Variants in RFX4 observed in about 807,000 individuals in gnomAD.
The protein encoded by RFX4 is regulatory factor X4, also known as transcription factor RFX4.
RFX4 carries 10 observed loss-of-function variants against 95.0 expected under a neutral mutation model. The ratio of observed to expected loss-of-function variants is 0.11; its 90% CI spans 0.06 to 0.18. The LOEUF (loss-of-function observed/expected upper bound fraction) is 0.18. Among genes scored for constraint, RFX4 ranks in the 10% least tolerant of loss-of-function variants. The pLI is 1.00. For missense variants in RFX4, 640 were observed against 922.0 expected, an observed-to-expected ratio of 0.69 and a Z score of 3.96; for synonymous variants, 321 against 340.7, an observed-to-expected ratio of 0.94 and a Z score of 0.64.
In RFX4 at chr12:106,734,413, T is replaced by C. The variant is rs540867908; in HGVS notation, c.1633+1328T>C. On this transcript the variant is annotated intron_variant, in intron 15 of 17. Coordinates refer to ENST00000392842, the MANE Select transcript of RFX4 (RefSeq NM_213594.3). ...GAGTTTGAGACCAGCCTGGCCAACA[T>C]GGTGAAACCCCATCTCTACTAAAAA... is the stretch of plus-strand genomic sequence containing the variant. Among the ~76,000 whole-genome samples, 18 of 151,954 alleles carry C rather than the reference T, an allele frequency of 1.2e-4. No homozygotes were observed. In the South Asian group the frequency reaches 3.7e-3, roughly 32 times the overall value.
chr12:106,750,829 G>C (rs2042987324), intron 17 of RFX4, 36 bp downstream of exon 17: 1 of 1,489,910 alleles, frequency 6.7e-7, no homozygotes, highest in African/African-American at 1.4e-5. Flanking sequence ...GCCAGGCCTT[G>C]GTATACTTGG....
intron 13 of RFX4, among the ~76,000 whole-genome samples, chr12:106,727,213 T>C (rs1039854045): frequency 1.3e-5 from 2 of 152,026 alleles, no homozygotes; most frequent in African/African-American, 4.8e-5. Flanking sequence ...ACTATATTAA[T>C]AAAAAGAGAA....
In RFX4 at chr12:106,707,301, G is replaced by A. The variant is rs139276633; in HGVS notation, c.834-2029G>A. On this transcript the variant is annotated intron_variant, in intron 8 of 17. Coordinates refer to ENST00000392842, the MANE Select transcript of RFX4 (RefSeq NM_213594.3). ...AGTTCAACTTGGAGACCTCTGGGCCGGAGGTGCAAAAGTTAAGTGCAGACA... is the reference window on the plus strand; with the variant it reads ...AGTTCAACTTGGAGACCTCTGGGCCAGAGGTGCAAAAGTTAAGTGCAGACA... Among the ~76,000 whole-genome samples, 798 of 152,244 alleles carry A rather than the reference G, an allele frequency of 5.2e-3. 5 individuals are homozygous for A. Among genetic ancestry groups the A allele is most frequent in the Middle Eastern group, 0.017 (5 of 294 alleles).
intron 2 of RFX4, among the ~76,000 whole-genome samples, chr12:106,618,608 T>C (rs1331411475): frequency 1.3e-5 from 2 of 152,060 alleles, no homozygotes; most frequent in Non-Finnish European, 2.9e-5. Flanking sequence ...TATATCTTTT[T>C]CATCTTTTTA....
intron 8 of RFX4, among the ~76,000 whole-genome samples, chr12:106,700,307 C>T (rs1414511766): frequency 1.3e-5 from 2 of 151,878 alleles, no homozygotes; most frequent in African/African-American, 4.8e-5. Flanking sequence ...GTTGGGATTA[C>T]AGGTGTGAGC....
At chr12:106,642,800 T>C (rs1233235849) in intron 3 of RFX4, among the ~76,000 whole-genome samples, 1 of 152,088 alleles carries the variant, frequency 6.6e-6, no homozygotes, top group Non-Finnish European at 1.5e-5. Context: ...ACCATGACAG[T>C]GTGAAAACCA....
intron 9 of RFX4, among the ~76,000 whole-genome samples, chr12:106,711,203 G>A (rs1332839751): frequency 6.6e-6 from 1 of 152,158 alleles, no homozygotes; most frequent in African/African-American, 2.4e-5. Flanking sequence ...TCACACCTGC[G>A]AGTGTATCGT....
At position 106,641,973 on chromosome 12, in the gene RFX4, A is replaced by ATATC. The variant is rs1287241660; in HGVS notation, c.191+2585_191+2588dup. ...TATCTATCTATATCTATATCTATCT[A>ATATC]TATCTATATCTATATCTATATCTAT... On this transcript the variant is annotated intron_variant, in intron 3 of 17. Transcript: ENST00000392842. Among the ~76,000 whole-genome samples the ATATC allele has an allele frequency of 1.5e-3, 163 of 108,472 alleles. 1 individual carries two copies. The highest frequency in any genetic ancestry group is 5.5e-3 in the African/African-American group (139 of 25,238). 71.2% of individuals were successfully genotyped at this position (108,472 alleles called of 152,430 possible).
At chr12:106,672,191 G>C (rs984289498) in intron 4 of RFX4, among the ~76,000 whole-genome samples, 2 of 152,166 alleles carry the variant, frequency 1.3e-5, no homozygotes, top group African/African-American at 4.8e-5. Context: ...AGGGTATCCT[G>C]CATGCTGGGC....
At chr12:106,661,401 G>C (rs559005153) in intron 4 of RFX4, among the ~76,000 whole-genome samples, 132 of 152,288 alleles carry the variant, frequency 8.7e-4, no homozygotes, top group African/African-American at 2.8e-3. Flanking sequence ...TTTTAAAAGA[G>C]AAATTTTAGT....
chr12:106,612,693 C>T (rs2039987028), intron 2 of RFX4, among the ~76,000 whole-genome samples: 1 of 152,146 alleles, frequency 6.6e-6, no homozygotes, highest in African/African-American at 2.4e-5. Flanking sequence ...CAAAAATTAG[C>T]TGGGCATGGT....
At chr12:106,640,203 TA>T (rs1470867975) in intron 3 of RFX4, among the ~76,000 whole-genome samples, 1 of 152,158 alleles carries the variant, frequency 6.6e-6, no homozygotes, top group African/African-American at 2.4e-5. Context: ...ATGAGGAAAA[TA>T]AAGCTGAACC....
chr12:106,613,832 T>C lies in RFX4; in HGVS notation c.130+4949T>C, dbSNP rs537078262. ...AGGATTAGAGTTCTGAACATTCTTG[T>C]ATATCTTTTGGTGAACATGAGCACT... is the stretch of plus-strand genomic sequence containing the variant. On this transcript the variant is annotated intron_variant, in intron 2 of 17. Transcript: ENST00000392842. 2.6e-5 allele frequency among the ~76,000 whole-genome samples: 4 copies of C among 152,372 alleles called. No homozygotes were observed. The East Asian group carries it at 5.8e-4, about 22-fold the overall frequency.
chr12:106,663,782 G>A (rs969786137), intron 4 of RFX4, among the ~76,000 whole-genome samples: 8 of 150,862 alleles, frequency 5.3e-5, no homozygotes, highest in African/African-American at 1.9e-4. Flanking sequence ...ATCGTGAGTG[G>A]GTGTTTCAAT....
intron 4 of RFX4, among the ~76,000 whole-genome samples, chr12:106,668,463 A>C (rs2041219235): frequency 1.3e-5 from 2 of 152,180 alleles, no homozygotes. Context: ...GCAATGGTGC[A>C]GGCTCATAGT....
At position 106,705,398 on chromosome 12, in the gene RFX4, G is replaced by T. The variant is rs189679927; in HGVS notation, c.834-3932G>T. Reference sequence around the variant, plus strand: ...AGGGAGGAAAAGTGTGTCCCTAGAAGTGGAGGACAGACCCTGGCATCCCAG... The same window carrying T: ...AGGGAGGAAAAGTGTGTCCCTAGAATTGGAGGACAGACCCTGGCATCCCAG... On this transcript the variant is annotated intron_variant, in intron 8 of 17. Transcript: ENST00000392842. 3.3e-3 allele frequency among the ~76,000 whole-genome samples: 498 copies of T among 152,344 alleles called. 3 individuals carry two copies. Among genetic ancestry groups the T allele is most frequent in the Non-Finnish European group, 5.5e-3 (373 of 68,026 alleles).
chr12:106,595,468 C>T (rs2137173008), intron 1 of RFX4, among the ~76,000 whole-genome samples: 1 of 152,354 alleles, frequency 6.6e-6, no homozygotes, highest in South Asian at 2.1e-4. Flanking sequence ...AGATGTGACT[C>T]TAGCAGCAGG....
At chr12:106,638,251 A>T (rs61943270) in intron 2 of RFX4, among the ~76,000 whole-genome samples, 1,866 of 151,974 alleles carry the variant, frequency 0.012, 18 homozygotes, top group Middle Eastern at 0.027. Flanking sequence ...CAAGTGATCC[A>T]CTCACCTTGG....
chr12:106,678,808 CAT>C (rs1449694273), intron 4 of RFX4, among the ~76,000 whole-genome samples: 3 of 152,116 alleles, frequency 2.0e-5, no homozygotes, highest in African/African-American at 7.2e-5. Flanking sequence ...TGTGTTGTGA[CAT>C]AGTTTTTGTT....
Sources: gnomAD v4.1 joint callset for allele counts (sites outside exome capture counted in the v4.1 genomes callset) on GRCh38, gnomAD v4.1.1 for gene constraint, MANE v1.5 for transcripts, NCBI Gene and HGNC (gene_info 2026-07-23, HGNC 2026-07-21) for gene names.